The following PIEZO1 variants were observed in gnomAD, a reference collection of about 807,000 sequenced individuals.
The protein encoded by PIEZO1 is piezo-type mechanosensitive ion channel component 1.
Under a neutral mutation model 297.2 loss-of-function variants are expected in PIEZO1, and 296 were observed. The observed-to-expected ratio is 1.00, with a 90% CI of 0.91 to 1.10. The LOEUF (loss-of-function observed/expected upper bound fraction) is 1.10, where lower values mean the gene tolerates loss of function less well. PIEZO1 is among the 50% of genes least tolerant of loss of function. The probability of loss-of-function intolerance (pLI) is 0.00; values close to 1 mark genes in which losing one functional copy is unlikely to be tolerated. For synonymous variants in PIEZO1, 2,427 were observed against 1,507.5 expected, an observed-to-expected ratio of 1.61 and a Z score of -14.13; for missense variants, 5,018 against 3,455.5, an observed-to-expected ratio of 1.45 and a Z score of -11.34.
intron 1 of PIEZO1, among the ~76,000 whole-genome samples, chr16:88,753,304 C>A (rs12924416): frequency 1.4e-5 from 1 of 72,832 alleles, no homozygotes; most frequent in African/African-American, 4.7e-5. Flanking sequence ...CGGCCCCCCG[C>A]AGCACACCTC....
chr16:88,721,109 A>C (rs760922638), intron 39 of PIEZO1, 57 bp downstream of exon 39: 6 of 1,426,204 alleles, frequency 4.2e-6, no homozygotes, highest in Non-Finnish European at 5.5e-6. Context: ...CCCTCCCTGC[A>C]GTAGCCCCAC....
intron 19 of PIEZO1, 57 bp from the exon 20 acceptor site, chr16:88,732,789 G>A (rs1904953193): frequency 3.4e-6 from 5 of 1,459,008 alleles, no homozygotes; most frequent in Admixed American, 4.7e-5. Context: ...CCCTGGCCCT[G>A]CCCGGAGCCC....
chr16:88,733,460 G>A lies in PIEZO1; in HGVS notation c.2488-6C>T, dbSNP rs1408836563. 7.1e-6 allele frequency: 11 copies of A among 1,545,338 alleles called. No individual in the cohort carries two copies. ...AGCAGGTTCATCACCGACACCTGAG[G>A]GCAGTGGGCACGTGGGGCTGGGCTT... On this transcript the variant is annotated splice_polypyrimidine_tract_variant and splice_region_variant and intron_variant, in intron 18 of 50. Coordinates refer to ENST00000301015, the MANE Select transcript of PIEZO1 (RefSeq NM_001142864.4).
At chr16:88,752,001 C>T (rs1906414912) in intron 1 of PIEZO1, among the ~76,000 whole-genome samples, 1 of 152,216 alleles carries the variant, frequency 6.6e-6, no homozygotes, top group African/African-American at 2.4e-5. Context: ...CTCCTGGAGT[C>T]AGAAGCGTAG....
chr16:88,747,533 A>G (rs1258674166), intron 2 of PIEZO1, among the ~76,000 whole-genome samples: 1 of 152,138 alleles, frequency 6.6e-6, no homozygotes, highest in Admixed American at 6.5e-5. Flanking sequence ...ATAAATAAAA[A>G]AGACCATTGC....
At chr16:88,778,274 G>A (rs572284687) in intron 1 of PIEZO1, among the ~76,000 whole-genome samples, 2 of 152,216 alleles carry the variant, frequency 1.3e-5, no homozygotes, top group South Asian at 4.1e-4. Context: ...GCCCATTTTA[G>A]CCGCCCATCC....
Position 88,717,059 on chromosome 16 carries a change from G to C in PIEZO1, c.6624C>G (p.Ile2208Met), listed in dbSNP as rs1022191461. The C allele has an allele frequency of 1.3e-6, 2 of 1,550,860 alleles. No homozygotes were observed. The highest frequency in any genetic ancestry group is 1.7e-6 in the Non-Finnish European group (2 of 1,147,020). The change falls in exon 45 of 51, where the codon ATC becomes ATG. Residue 2208 changes from isoleucine (I) to methionine (M), a missense_variant. Physicochemically the swap from Ile to Met is conservative, Grantham distance 10. Transcript: ENST00000301015. ...CCAGCTTCAGGGTGACGGTGACATC[G>C]ATGGGCTGGTTGACAACCCCAACCA... is the stretch of plus-strand genomic sequence containing the variant. ...RSVVGVVNQP[I>M]DVTVTLKLGG...
intron 5 of PIEZO1, 125 bp from the exon 6 acceptor site, chr16:88,738,861 A>G (rs1287117694): frequency 3.1e-5 from 26 of 831,448 alleles, no homozygotes; most frequent in Admixed American, 7.7e-5. Flanking sequence ...TGAGGGCCAC[A>G]GGACAGCCTC....
In PIEZO1 at chr16:88,726,290, G is replaced by A. The variant is rs1255646383; in HGVS notation, c.3962C>T (p.Ala1321Val). 1.3e-6 allele frequency: 2 copies of A among 1,547,874 alleles called. No homozygotes were observed. The highest frequency in any genetic ancestry group is 2.4e-5 in the South Asian group (2 of 83,846). The part of the protein sequence containing the change: ...RADLQATALL[A>V]SRGFALYNAA... Reference sequence around the variant, plus strand: ...TGTCTGGGCCCAAGCTTGCCTGGAGGCTAGCAGGGCGGTGGCCTGGAGGTC... The same window carrying A: ...TGTCTGGGCCCAAGCTTGCCTGGAGACTAGCAGGGCGGTGGCCTGGAGGTC... The change falls in exon 27 of 51, where the codon GCC becomes GTC. Residue 1321 changes from alanine to valine, a missense_variant. Transcript: ENST00000301015.
chr16:88,784,542 G>A (rs1908088170), intron 1 of PIEZO1, among the ~76,000 whole-genome samples: 1 of 151,030 alleles, frequency 6.6e-6, no homozygotes, highest in Admixed American at 6.6e-5. Context: ...CCCCACCACC[G>A]CCGCGGCCCT....
chr16:88,738,888 A>G (rs1905446501), intron 5 of PIEZO1, 152 bp from the exon 6 acceptor site: 1 of 669,092 alleles, frequency 1.5e-6, no homozygotes, highest in Non-Finnish European at 2.5e-6. Context: ...CACAGGCCCC[A>G]GCCGTCCCTG....
chr16:88,717,579 A>G (rs1221517228), intron 44 of PIEZO1: 2 of 475,676 alleles, frequency 4.2e-6, no homozygotes, highest in Non-Finnish European at 8.3e-6. Flanking sequence ...CTAAAACTAT[A>G]GAACTTTTAG....
intron 22 of PIEZO1, among the ~76,000 whole-genome samples, chr16:88,729,510 C>T (rs1358389621): frequency 3.2e-5 from 4 of 124,286 alleles, no homozygotes; most frequent in East Asian, 2.6e-4. Flanking sequence ...ACCCTCGATG[C>T]TGGGGAACCC....
chr16:88,784,826 C>T (rs944167529), intron 1 of PIEZO1, 75 bp downstream of exon 1: 3 of 1,095,978 alleles, frequency 2.7e-6, no homozygotes, highest in Non-Finnish European at 3.7e-6. Flanking sequence ...CGGCCGGCGT[C>T]GTCCGGTGTC....
At position 88,726,930 on chromosome 16, in the gene PIEZO1, C is replaced by T. The variant is rs1222220427; in HGVS notation, c.3484G>A (p.Val1162Ile). ...RSYLDMLKVA[V>I]FRYLFWLVLV... ...ACCAGCCAGAACAGGTATCGGAAGA[C>T]GGCCACCTTCAGCATGTCAAGGTAG... is the stretch of plus-strand genomic sequence containing the variant. The change falls in exon 25 of 51, where the codon GTC (valine) becomes ATC (isoleucine). Residue 1162 changes from valine (V) to isoleucine (I), a missense_variant. Coordinates refer to ENST00000301015, the MANE Select transcript of PIEZO1 (RefSeq NM_001142864.4). 1.5e-5 allele frequency: 23 copies of T among 1,550,286 alleles called. No individual in the cohort carries two copies. The highest frequency in any genetic ancestry group is 1.7e-4 in the Middle Eastern group (1 of 6,014).
Position 88,715,592 on chromosome 16 carries a change from CCAG to C in PIEZO1, c.*10_*12del, listed in dbSNP as rs1321532142. On this transcript the variant is annotated 3_prime_UTR_variant, in exon 51 of 51. Transcript: ENST00000301015. ...AGGCCGGCTCCTTCCCTCTCGGGCG[CCAG>C]CAGCAGCTCCTACTCCTTCTCACGA... 6.5e-6 allele frequency: 10 copies of C among 1,547,150 alleles called. No individual in the cohort carries two copies. The highest frequency in any genetic ancestry group is 2.0e-5 in the Admixed American group (1 of 50,940).
chr16:88,731,547 G>A (rs1319192121), intron 22 of PIEZO1, 159 bp downstream of exon 22: 1 of 608,142 alleles, frequency 1.6e-6, no homozygotes, highest in Non-Finnish European at 2.9e-6. Context: ...GGATGCAGGT[G>A]ATGGCGCCTG....
intron 1 of PIEZO1, among the ~76,000 whole-genome samples, chr16:88,750,660 G>A (rs1906342696): frequency 1.3e-5 from 2 of 152,236 alleles, no homozygotes; most frequent in Admixed American, 1.3e-4. Flanking sequence ...CCTGCCACGT[G>A]CTAGCCAGGC....
At chr16:88,748,728 G>T (rs73266661) in intron 2 of PIEZO1, among the ~76,000 whole-genome samples, 127 of 152,174 alleles carry the variant, frequency 8.3e-4, no homozygotes, top group African/African-American at 2.7e-3. Flanking sequence ...CTGCAACACG[G>T]ATCAGAAAAG....
Sources: allele counts gnomAD v4.1 joint callset (sites outside exome capture counted in the v4.1 genomes callset), GRCh38; gene constraint gnomAD v4.1.1; transcripts MANE v1.5; gene names NCBI Gene and HGNC (gene_info 2026-07-23, HGNC 2026-07-21).